Variants in NOL4 observed in about 807,000 individuals in gnomAD.
The protein encoded by NOL4 is cancer/testis antigen 125.
Under a neutral mutation model 75.9 loss-of-function variants are expected in NOL4, and 17 were observed. The ratio of observed to expected loss-of-function variants is 0.22; its 90% confidence interval spans 0.15 to 0.34. The LOEUF (loss-of-function observed/expected upper bound fraction) is 0.34. Ranked by LOEUF, NOL4 falls within the 10% of genes least tolerant of loss-of-function variation. The pLI, the probability that NOL4 is intolerant of heterozygous loss-of-function variation, is 1.00. For synonymous variants in NOL4, 292 were observed against 289.9 expected (o/e 1.01, Z -0.07); for missense variants, 614 against 793.5 (o/e 0.77, Z 2.72).
At chr18:33,867,678 AC>A (rs1193356066) in intron 10 of NOL4, among the ~76,000 whole-genome samples, 7 of 133,376 alleles carry the variant, frequency 5.2e-5, no homozygotes, top group East Asian at 2.1e-4. Context: ...ACACACACAC[AC>A]AATTCCATAT....
chr18:34,201,189 T>C (rs1232847727), intron 1 of NOL4, among the ~76,000 whole-genome samples: 1 of 151,812 alleles, frequency 6.6e-6, no homozygotes, highest in Admixed American at 6.6e-5. Context: ...CAAAAACACA[T>C]TTATTCTTAC....
intron 1 of NOL4, among the ~76,000 whole-genome samples, chr18:34,175,776 A>C (rs1175668987): frequency 6.6e-6 from 1 of 152,186 alleles, no homozygotes; most frequent in East Asian, 1.9e-4. Flanking sequence ...CATGACAAAG[A>C]ATATAGACTT....
At chr18:34,178,623 C>T (rs2033764135) in intron 1 of NOL4, among the ~76,000 whole-genome samples, 2 of 151,598 alleles carry the variant, frequency 1.3e-5, no homozygotes, top group Admixed American at 1.3e-4. Flanking sequence ...GACAGTTTTT[C>T]ATGATAAAGT....
chr18:34,142,481 C>T (rs1235888132), intron 1 of NOL4, among the ~76,000 whole-genome samples: 2 of 152,112 alleles, frequency 1.3e-5, no homozygotes, highest in Non-Finnish European at 1.5e-5. Flanking sequence ...CACATATACA[C>T]CATGGAATAC....
chr18:33,958,399 G>A lies in NOL4; in HGVS notation c.1076C>T (p.Ser359Phe). Residue 359 changes from serine to phenylalanine, a missense_variant, in exon 7 of 11, where the codon TCC becomes TTC. Around this residue, in one of 9 missense-constraint regions of NOL4, gnomAD observed 196 missense variants for 167.9 expected, o/e 1.17. Coordinates refer to ENST00000261592, the MANE Select transcript of NOL4 (RefSeq NM_003787.5). Reference sequence around the variant, plus strand: ...CTCATTTTTGCCAGAGTCATAGCTGGAGTAACTATGTGCAGGAGACTGAAA... The same window carrying A: ...CTCATTTTTGCCAGAGTCATAGCTGAAGTAACTATGTGCAGGAGACTGAAA... ...NGSKSPAHSY[S>F]SYDSGKNESV... The A allele has an allele frequency of 6.2e-7, 1 of 1,613,030 alleles. No individual in the cohort carries two copies. The highest frequency in any genetic ancestry group is 8.5e-7 in the Non-Finnish European group (1 of 1,179,384).
chr18:34,173,332 T>C (rs186615792), intron 1 of NOL4, among the ~76,000 whole-genome samples: 9 of 152,158 alleles, frequency 5.9e-5, no homozygotes, highest in Non-Finnish European at 1.3e-4. Flanking sequence ...GCAAGGTGAT[T>C]ATAGTTAACA....
At chr18:33,993,340 T>C (rs769672478) in intron 6 of NOL4, among the ~76,000 whole-genome samples, 5 of 151,930 alleles carry the variant, frequency 3.3e-5, no homozygotes, top group Admixed American at 2.6e-4. Flanking sequence ...AGGGTGAGTG[T>C]GGGCATACCC....
intron 1 of NOL4, among the ~76,000 whole-genome samples, chr18:34,154,532 C>T (rs2029978480): frequency 6.6e-6 from 1 of 151,794 alleles, no homozygotes; most frequent in African/African-American, 2.4e-5. Flanking sequence ...TTTATTGTTG[C>T]ATAGTATTGC....
Position 33,938,192 on chromosome 18 carries a change from G to A in NOL4, c.1542+4873C>T, listed in dbSNP as rs527630890. ...AATCATTCCACCTCTCTGGGCCGCA[G>A]TTTTCTTACATGTAAATGAGAATAA... On this transcript the variant is annotated intron_variant, in intron 9 of 10. Transcript: ENST00000261592. 1.9e-4 allele frequency among the ~76,000 whole-genome samples: 29 copies of A among 152,124 alleles called. No individual in the cohort carries two copies. The East Asian group carries it at 5.4e-3, about 28-fold the overall frequency.
chr18:33,964,434 C>CAAGA (rs541145011), intron 6 of NOL4, among the ~76,000 whole-genome samples: 242 of 132,184 alleles, frequency 1.8e-3, no homozygotes, highest in African/African-American at 6.4e-3. Flanking sequence ...AACTCACCAT[C>CAAGA]AAGAAAGAAA....
At chr18:34,070,071 GC>G (rs1910925256) in intron 5 of NOL4, among the ~76,000 whole-genome samples, 1 of 152,174 alleles carries the variant, frequency 6.6e-6, no homozygotes, top group African/African-American at 2.4e-5. Context: ...TCGCTCAGTC[GC>G]CCAGGCTGGA....
chr18:33,971,601 G>T (rs2071069229), intron 6 of NOL4, among the ~76,000 whole-genome samples: 1 of 152,236 alleles, frequency 6.6e-6, no homozygotes, highest in Admixed American at 6.5e-5. Context: ...AACTGTAAGT[G>T]ATGTTGGGAG....
intron 9 of NOL4, among the ~76,000 whole-genome samples, chr18:33,899,745 C>A (rs561347698): frequency 6.6e-6 from 1 of 152,218 alleles, no homozygotes; most frequent in South Asian, 2.1e-4. Flanking sequence ...CTTGAACCAG[C>A]CATTTTGTTT....
rs530781099 is a variant in NOL4, at chr18:34,096,633, G to A, written c.640-3036C>T. On this transcript the variant is annotated intron_variant, in intron 4 of 10. Coordinates refer to ENST00000261592, the MANE Select transcript of NOL4 (RefSeq NM_003787.5). ...CCTTTCCTCTATGAAAATCTATTTT[G>A]TTTGACAACCAGAAAAAAACTCTCC... Among the ~76,000 whole-genome samples, 138 of 152,018 alleles carry A rather than the reference G, an allele frequency of 9.1e-4. 3 individuals carry two copies. The highest frequency in any genetic ancestry group is 6.2e-4 in the Non-Finnish European group (42 of 67,920).
At chr18:34,222,732 C>CTA (rs1367577226) in intron 1 of NOL4, among the ~76,000 whole-genome samples, 2 of 151,310 alleles carry the variant, frequency 1.3e-5, no homozygotes, top group Admixed American at 1.3e-4. Context: ...GCAGCCGGTC[C>CTA]GGGAACCCGA....
chr18:34,034,488 C>T (rs1017314274), intron 5 of NOL4, among the ~76,000 whole-genome samples: 3 of 152,148 alleles, frequency 2.0e-5, no homozygotes, highest in African/African-American at 7.2e-5. Flanking sequence ...CCTGTCATCC[C>T]AGCACTTTGG....
At chr18:33,862,069 G>A (rs377174424) in intron 10 of NOL4, among the ~76,000 whole-genome samples, 1 of 152,036 alleles carries the variant, frequency 6.6e-6, no homozygotes, top group Non-Finnish European at 1.5e-5. Flanking sequence ...TACCAAAACA[G>A]AGATATAGAT....
At chr18:34,041,798 C>T (rs968097445) in intron 5 of NOL4, among the ~76,000 whole-genome samples, 3 of 151,966 alleles carry the variant, frequency 2.0e-5, no homozygotes, top group African/African-American at 7.2e-5. Context: ...CTTTAAAATA[C>T]ACCTTGGGTT....
At chr18:34,022,193 T>G (rs1401513745) in intron 5 of NOL4, among the ~76,000 whole-genome samples, 3 of 152,036 alleles carry the variant, frequency 2.0e-5, no homozygotes, top group East Asian at 3.9e-4. Flanking sequence ...GAAATAATAT[T>G]ATTTCACGCC....
Sources: gnomAD v4.1 joint callset for allele counts (sites outside exome capture counted in the v4.1 genomes callset) on GRCh38, gnomAD v4.1.1 for gene constraint, gnomAD v4.1.1 regional missense constraint, MANE v1.5 for transcripts, NCBI Gene and HGNC (gene_info 2026-07-23, HGNC 2026-07-21) for gene names.